The following CRADD variants were observed in gnomAD, a reference collection of about 807,000 sequenced individuals.
CRADD encodes the protein CARD and death domain containing adaptor protein, also known as death domain-containing protein CRADD.
CRADD carries 9 observed loss-of-function variants against 15.5 expected under a neutral mutation model. The observed-to-expected ratio is 0.58, with a 90% confidence interval of 0.35 to 1.01. CRADD has a LOEUF of 1.01. CRADD is among the 50% of genes least tolerant of loss of function. The pLI is 0.02. For missense variants in CRADD, 227 were observed against 250.3 expected, an observed-to-expected ratio of 0.91 and a Z score of 0.63; for synonymous variants, 118 against 107.6, an observed-to-expected ratio of 1.10 and a Z score of -0.60.
chr12:93,773,170 C>G (rs1178602141), intron 2 of CRADD, among the ~76,000 whole-genome samples: 1 of 152,160 alleles, frequency 6.6e-6, no homozygotes, highest in Non-Finnish European at 1.5e-5. Flanking sequence ...TTACGTAAGT[C>G]AGAGTAGGCT....
At chr12:93,750,440 A>C (rs1207807516) in intron 2 of CRADD, among the ~76,000 whole-genome samples, 1 of 152,184 alleles carries the variant, frequency 6.6e-6, no homozygotes, top group East Asian at 1.9e-4. Context: ...TGATGCAAAT[A>C]ATTTCTGGCA....
At chr12:93,851,830 T>G (rs1215771151), downstream of CRADD, among the ~76,000 whole-genome samples, 1 of 152,202 alleles carries the variant, frequency 6.6e-6, no homozygotes, top group Admixed American at 6.5e-5. Context: ...TTTTTATTTC[T>G]CTCCATTCCA....
intron 2 of CRADD, among the ~76,000 whole-genome samples, chr12:93,701,708 T>G (rs1253600347): frequency 6.6e-6 from 1 of 152,220 alleles, no homozygotes; most frequent in Non-Finnish European, 1.5e-5. Flanking sequence ...TTCTCTATGC[T>G]GGCAAAGGAG....
At chr12:93,702,831 G>T (rs1041572110) in intron 2 of CRADD, among the ~76,000 whole-genome samples, 2 of 152,028 alleles carry the variant, frequency 1.3e-5, no homozygotes, top group Non-Finnish European at 2.9e-5. Flanking sequence ...GGATGTAGTT[G>T]CCAGCCTTTT....
intron 2 of CRADD, among the ~76,000 whole-genome samples, chr12:93,859,786 G>A (rs565735429): frequency 6.6e-6 from 1 of 152,118 alleles, no homozygotes; most frequent in East Asian, 1.9e-4. Context: ...GTGCAGTGGT[G>A]TAATCACGGC....
At chr12:93,687,805 G>T (rs1051695011) in intron 2 of CRADD, among the ~76,000 whole-genome samples, 32 of 152,188 alleles carry the variant, frequency 2.1e-4, no homozygotes, top group African/African-American at 7.7e-4. Flanking sequence ...GAATGTTCCA[G>T]AATCTCAGAC....
In CRADD at chr12:93,850,592, T is replaced by C. The variant is rs1249514983; in HGVS notation, c.*321T>C. The C allele has an allele frequency of 1.1e-6, 1 of 910,914 alleles. No individual in the cohort carries two copies. Among genetic ancestry groups the C allele is most frequent in the Admixed American group, 6.0e-5 (1 of 16,776 alleles). The allele number at this position is 910,914 out of a possible 1,614,324, so 56.4% of individuals were successfully genotyped here. ...TTCAAAATATATATCCATATATATA[T>C]ATATCCATATATATATCTCATGTCA... On this transcript the variant is annotated 3_prime_UTR_variant, in exon 3 of 3. Coordinates refer to ENST00000332896, the MANE Select transcript of CRADD (RefSeq NM_003805.5). This position sits in a 1 kb window ranked among gnomAD's most constrained non-coding sequence, Gnocchi z 4.0.
intron 2 of CRADD, among the ~76,000 whole-genome samples, chr12:93,816,600 T>A (rs1018378608): frequency 6.6e-6 from 1 of 152,172 alleles, no homozygotes; most frequent in Non-Finnish European, 1.5e-5. Context: ...GCACTTCACA[T>A]TTAGAGCACA....
chr12:93,761,160 A>G (rs999469311), intron 2 of CRADD, among the ~76,000 whole-genome samples: 2 of 152,208 alleles, frequency 1.3e-5, no homozygotes, highest in Non-Finnish European at 2.9e-5. Flanking sequence ...GTGGACCCAG[A>G]CATCAGCATT....
chr12:93,851,100 T>C (rs1958216350), downstream of CRADD, among the ~76,000 whole-genome samples: 1 of 152,212 alleles, frequency 6.6e-6, no homozygotes, highest in Admixed American at 6.5e-5. Context: ...ACTGAAGTGT[T>C]GTGCTCCTAA....
intron 2 of CRADD, among the ~76,000 whole-genome samples, chr12:93,740,664 A>G (rs1398693889): frequency 1.3e-5 from 2 of 152,334 alleles, no homozygotes; most frequent in East Asian, 3.9e-4. Context: ...ACACTTGATC[A>G]TTCAGAATCA....
At chr12:93,847,090 G>A (rs181753940) in intron 2 of CRADD, among the ~76,000 whole-genome samples, 2 of 152,274 alleles carry the variant, frequency 1.3e-5, no homozygotes, top group South Asian at 2.1e-4. Context: ...ATGACAGAGC[G>A]AGACTCCGTC....
At chr12:93,879,548 T>A (rs1312092525) in intron 2 of CRADD, among the ~76,000 whole-genome samples, 1 of 152,186 alleles carries the variant, frequency 6.6e-6, no homozygotes, top group Non-Finnish European at 1.5e-5. Flanking sequence ...CTGTAACACA[T>A]GTGTTTTACT....
chr12:93,808,127 G>A lies in CRADD; in HGVS notation c.299-41843G>A, dbSNP rs74327285. 2.3e-3 allele frequency among the ~76,000 whole-genome samples: 344 copies of A among 152,088 alleles called. 1 individual carries two copies. Among genetic ancestry groups the A allele is most frequent in the African/African-American group, 7.7e-3 (321 of 41,520 alleles). On this transcript the variant is annotated intron_variant, in intron 2 of 2. Coordinates refer to ENST00000332896, the MANE Select transcript of CRADD (RefSeq NM_003805.5). The stretch of plus-strand genomic sequence containing the variant: ...AGACTTGAATGAGGTGGAGGAGTGA[G>A]CTGTGTAGAAGGAGCTGTGTGAAGG...
At chr12:93,776,763 A>T (rs58389858) in intron 2 of CRADD, among the ~76,000 whole-genome samples, 1 of 152,212 alleles carries the variant, frequency 6.6e-6, no homozygotes, top group Admixed American at 6.5e-5. Flanking sequence ...CTTTGAAAGC[A>T]TGCTGCTAAG....
At chr12:93,714,110 T>C (rs936254015) in intron 2 of CRADD, among the ~76,000 whole-genome samples, 3 of 152,226 alleles carry the variant, frequency 2.0e-5, no homozygotes, top group African/African-American at 7.2e-5. Flanking sequence ...TAATGTAAGA[T>C]AGACCCTTCT....
chr12:93,864,050 G>C (rs1032758964), intron 2 of CRADD, among the ~76,000 whole-genome samples: 2 of 152,056 alleles, frequency 1.3e-5, no homozygotes, highest in Non-Finnish European at 2.9e-5. Context: ...TGCCCAGTTA[G>C]ATTTTATTTA....
chr12:93,855,745 T>A (rs1958268094), downstream of CRADD, among the ~76,000 whole-genome samples: 1 of 152,272 alleles, frequency 6.6e-6, no homozygotes, highest in Non-Finnish European at 1.5e-5. Flanking sequence ...AGGTATAACA[T>A]GCTTAGAACA....
Position 93,738,260 on chromosome 12 carries a change from G to A in CRADD, c.298+59188G>A, listed in dbSNP as rs139451277. On this transcript the variant is annotated intron_variant, in intron 2 of 2. Transcript: ENST00000332896. ...GGGTGGGGAGCTGGAGAAGAGAAGGGCCAAAAGTGTCAGACTGTGGGGATG... is the reference window on the plus strand; with the variant it reads ...GGGTGGGGAGCTGGAGAAGAGAAGGACCAAAAGTGTCAGACTGTGGGGATG... 31 of 653,780 alleles carry A rather than the reference G, an allele frequency of 4.7e-5. No individual in the cohort carries two copies. In the Admixed American group the frequency reaches 5.4e-4, roughly 11 times the overall value. The allele number at this position is 653,780 out of a possible 1,614,324, so 40.5% of individuals were successfully genotyped here.
Sources: gnomAD v4.1 joint callset for allele counts (sites outside exome capture counted in the v4.1 genomes callset) on GRCh38, gnomAD v4.1.1 for gene constraint, Gnocchi (gnomAD v3.1) non-coding constraint, MANE v1.5 for transcripts, NCBI Gene and HGNC (gene_info 2026-07-23, HGNC 2026-07-21) for gene names.